SSBP2: variants seen among roughly 807,000 people sequenced by gnomAD.
SSBP2 encodes single stranded DNA binding protein 2, also known as single-stranded DNA-binding protein 2.
A neutral mutation model predicts 61.8 loss-of-function variants in SSBP2; 17 were observed. The observed-to-expected ratio is 0.28, with a 90% CI of 0.19 to 0.41. The LOEUF is 0.41. Among genes scored for constraint, SSBP2 ranks in the 10% least tolerant of loss-of-function variants. The pLI, the probability that SSBP2 is intolerant of heterozygous loss-of-function variation, is 1.00. For missense variants in SSBP2, 310 were observed against 458.7 expected, an observed-to-expected ratio of 0.68 and a Z score of 2.96; for synonymous variants, 139 against 141.3, an observed-to-expected ratio of 0.98 and a Z score of 0.12.
intron 4 of SSBP2, among the ~76,000 whole-genome samples, chr5:81,596,178 T>G (rs1198346825): frequency 6.6e-6 from 1 of 152,134 alleles, no homozygotes; most frequent in Admixed American, 6.5e-5. Context: ...ATCACAAGCA[T>G]TCTTATACAC....
rs1176956248 is a variant in SSBP2 at position 81,413,950 on chromosome 5, C to A, written c.*6554G>T. The A allele has an allele frequency of 6.6e-6, 1 of 152,048 alleles. No homozygotes were observed. The highest frequency in any genetic ancestry group is 1.5e-5 in the Non-Finnish European group (1 of 67,968). The allele number at this position is 152,048 out of a possible 1,614,324, so 9.4% of individuals were successfully genotyped here. Reference sequence around the variant, plus strand: ...CTGTGAGGAATCCAAATTTCACTCTCTTGGCAATGTACTGAGGCCATTTGG... The same window carrying A: ...CTGTGAGGAATCCAAATTTCACTCTATTGGCAATGTACTGAGGCCATTTGG... On this transcript the variant is annotated 3_prime_UTR_variant, in exon 17 of 17. Transcript: ENST00000320672.
At chr5:81,713,768 GCAAA>G (rs1014334311) in intron 1 of SSBP2, among the ~76,000 whole-genome samples, 21 of 151,920 alleles carry the variant, frequency 1.4e-4, no homozygotes, top group African/African-American at 3.9e-4. Flanking sequence ...ACCAAAGCAA[GCAAA>G]CAAACAAACA....
intron 15 of SSBP2, among the ~76,000 whole-genome samples, chr5:81,435,384 T>C (rs891347755): frequency 6.6e-6 from 1 of 152,168 alleles, no homozygotes; most frequent in Non-Finnish European, 1.5e-5. Context: ...AGAGATCGTG[T>C]TTGTTGTTAA....
At chr5:81,545,839 A>G (rs1025538158) in intron 4 of SSBP2, among the ~76,000 whole-genome samples, 2 of 152,224 alleles carry the variant, frequency 1.3e-5, no homozygotes, top group Non-Finnish European at 2.9e-5. Context: ...ACTGATTTAT[A>G]AAAAGGCAGA....
At chr5:81,552,334 T>G (rs576353057) in intron 4 of SSBP2, among the ~76,000 whole-genome samples, 1 of 152,168 alleles carries the variant, frequency 6.6e-6, no homozygotes, top group African/African-American at 2.4e-5. Flanking sequence ...AAACCAGAAA[T>G]TTACAGTCAA....
chr5:81,648,406 A>G (rs116675092), intron 2 of SSBP2, among the ~76,000 whole-genome samples: 77 of 152,252 alleles, frequency 5.1e-4, no homozygotes, highest in African/African-American at 1.7e-3. Context: ...TTCTGGCTAA[A>G]CCTCTAAAAT....
intron 3 of SSBP2, among the ~76,000 whole-genome samples, chr5:81,626,232 C>T (rs909896981): frequency 2.0e-5 from 3 of 152,166 alleles, no homozygotes; most frequent in African/African-American, 7.2e-5. Flanking sequence ...AAAATTCTCA[C>T]AATACTCCTG....
At chr5:81,608,613 C>T (rs1266326918) in intron 4 of SSBP2, among the ~76,000 whole-genome samples, 2 of 152,126 alleles carry the variant, frequency 1.3e-5, no homozygotes, top group Non-Finnish European at 2.9e-5. Context: ...TCTCCAGGTA[C>T]CAGATTTCTT....
chr5:81,667,353 G>C (rs1751233750), intron 1 of SSBP2, among the ~76,000 whole-genome samples: 1 of 149,910 alleles, frequency 6.7e-6, no homozygotes, highest in Non-Finnish European at 1.5e-5. Flanking sequence ...TCCATATAGG[G>C]GTTCCTTTAC....
intron 1 of SSBP2, among the ~76,000 whole-genome samples, chr5:81,750,183 G>A (rs893163998): frequency 1.3e-5 from 2 of 151,622 alleles, no homozygotes; most frequent in Middle Eastern, 3.2e-3. Flanking sequence ...TTAGCTCCCC[G>A]GGAACTCGGT....
chr5:81,493,540 C>G (rs7719579), intron 5 of SSBP2, among the ~76,000 whole-genome samples: 6,513 of 152,122 alleles, frequency 0.043, 477 homozygotes, highest in African/African-American at 0.15. Flanking sequence ...CGGATCATGA[C>G]GTCAGCAGTT....
At chr5:81,590,299 T>C (rs954360437) in intron 4 of SSBP2, among the ~76,000 whole-genome samples, 2 of 152,182 alleles carry the variant, frequency 1.3e-5, no homozygotes, top group African/African-American at 2.4e-5. Flanking sequence ...TTTAATAGTA[T>C]GATTATATAT....
intron 1 of SSBP2, among the ~76,000 whole-genome samples, chr5:81,694,141 T>C (rs1354265771): frequency 6.6e-6 from 1 of 152,126 alleles, no homozygotes; most frequent in African/African-American, 2.4e-5. Context: ...ATTGAACTCA[T>C]GGAGACAGAA....
At chr5:81,616,932 T>C (rs1746121187) in intron 3 of SSBP2, among the ~76,000 whole-genome samples, 1 of 148,710 alleles carries the variant, frequency 6.7e-6, no homozygotes, top group Non-Finnish European at 1.5e-5. Context: ...AAAGGACATC[T>C]ACACCGAAAA....
At chr5:81,557,809 T>C (rs918017797) in intron 4 of SSBP2, among the ~76,000 whole-genome samples, 2 of 152,148 alleles carry the variant, frequency 1.3e-5, no homozygotes, top group African/African-American at 2.4e-5. Context: ...ATGCCAGTTA[T>C]AGATTGGTTT....
intron 1 of SSBP2, among the ~76,000 whole-genome samples, chr5:81,653,388 A>G (rs1396575742): frequency 6.6e-6 from 1 of 152,224 alleles, no homozygotes; most frequent in Non-Finnish European, 1.5e-5. Context: ...CGCTATTGTG[A>G]ATAGTGTTGC....
chr5:81,485,939 G>T (rs1766347885), intron 6 of SSBP2, among the ~76,000 whole-genome samples: 1 of 152,014 alleles, frequency 6.6e-6, no homozygotes, highest in African/African-American at 2.4e-5. Context: ...TCCTAACTAG[G>T]TTAAACATTT....
intron 1 of SSBP2, among the ~76,000 whole-genome samples, chr5:81,654,952 C>T (rs1463894200): frequency 6.6e-6 from 1 of 151,678 alleles, no homozygotes; most frequent in Middle Eastern, 3.4e-3. Flanking sequence ...GCCTGGGCAA[C>T]ACAGCAAAAC....
At chr5:81,474,774 A>G (rs1765477537) in intron 6 of SSBP2, among the ~76,000 whole-genome samples, 1 of 152,176 alleles carries the variant, frequency 6.6e-6, no homozygotes, top group Admixed American at 6.6e-5. Context: ...ACTTTGCCCA[A>G]TTTTGTGACA....
Sources: allele counts gnomAD v4.1 joint callset (sites outside exome capture counted in the v4.1 genomes callset), GRCh38; gene constraint gnomAD v4.1.1; transcripts MANE v1.5; gene names NCBI Gene and HGNC (gene_info 2026-07-23, HGNC 2026-07-21).